STMN2: variants seen among roughly 807,000 people sequenced by gnomAD.
STMN2 encodes stathmin-2.
In STMN2, 2 loss-of-function variants were observed where a neutral mutation model predicts 24.1. The ratio of observed to expected loss-of-function variants is 0.08; its 90% CI spans 0.03 to 0.26. STMN2 has a LOEUF of 0.26. Among genes scored for constraint, STMN2 ranks in the 10% least tolerant of loss-of-function variants. The pLI, the probability that STMN2 is intolerant of heterozygous loss-of-function variation, is 1.00. For missense variants in STMN2, 114 were observed against 213.6 expected (o/e 0.53, Z 2.91); for synonymous variants, 83 against 77.5 (o/e 1.07, Z -0.37).
At chr8:79,650,930 C>A (rs1367732331) in intron 3 of STMN2, among the ~76,000 whole-genome samples, 2 of 151,958 alleles carry the variant, frequency 1.3e-5, no homozygotes, top group Admixed American at 1.3e-4. Flanking sequence ...CAAAGCAAGA[C>A]CCTGTCTCTA....
At chr8:79,628,161 A>T (rs1010587978) in intron 1 of STMN2, among the ~76,000 whole-genome samples, 11 of 150,442 alleles carry the variant, frequency 7.3e-5, no homozygotes, top group African/African-American at 2.7e-4. Flanking sequence ...ATTTTTTTTT[A>T]TTTTTTATTT....
chr8:79,652,455 T>A (rs952347340), intron 3 of STMN2, among the ~76,000 whole-genome samples: 3 of 152,144 alleles, frequency 2.0e-5, no homozygotes. Context: ...GAGGTGGAGA[T>A]GAGGGAGTTA....
chr8:79,637,644 G>C (rs1402106386), intron 2 of STMN2, among the ~76,000 whole-genome samples: 1 of 152,116 alleles, frequency 6.6e-6, no homozygotes, highest in Non-Finnish European at 1.5e-5. Context: ...GCAAAACCAA[G>C]CCTAGCTCAT....
At chr8:79,612,717 T>C (rs1162603110) in intron 1 of STMN2, among the ~76,000 whole-genome samples, 3 of 152,170 alleles carry the variant, frequency 2.0e-5, no homozygotes, top group African/African-American at 4.8e-5. Flanking sequence ...CGGGACTTGG[T>C]TGCAGGATGC....
chr8:79,656,132 T>C (rs527435235), intron 4 of STMN2, among the ~76,000 whole-genome samples: 1 of 152,304 alleles, frequency 6.6e-6, no homozygotes, highest in African/African-American at 2.4e-5. Flanking sequence ...AATATCCAAC[T>C]AGAAACAAAG....
At chr8:79,653,800 G>T (rs1038260545) in intron 3 of STMN2, among the ~76,000 whole-genome samples, 14 of 152,200 alleles carry the variant, frequency 9.2e-5, no homozygotes, top group Non-Finnish European at 1.6e-4. Context: ...AGCTGATCCT[G>T]AGAAATTATC....
intron 4 of STMN2, among the ~76,000 whole-genome samples, chr8:79,657,223 A>G (rs1806396962): frequency 6.6e-6 from 1 of 152,130 alleles, no homozygotes; most frequent in Non-Finnish European, 1.5e-5. Context: ...AAAATTTTCC[A>G]TATTTTATCT....
chr8:79,632,305 G>A (rs1464787438), intron 1 of STMN2, among the ~76,000 whole-genome samples: 1 of 152,152 alleles, frequency 6.6e-6, no homozygotes, highest in African/African-American at 2.4e-5. Context: ...AAAACCAAGG[G>A]CAAGAGACAT....
At chr8:79,632,459 A>G (rs1265188345) in intron 1 of STMN2, among the ~76,000 whole-genome samples, 1 of 152,192 alleles carries the variant, frequency 6.6e-6, no homozygotes, top group African/African-American at 2.4e-5. Context: ...CAGGGAAAAC[A>G]AGAGAAAGGA....
At chr8:79,632,074 A>G (rs74578707) in intron 1 of STMN2, among the ~76,000 whole-genome samples, 6,712 of 152,196 alleles carry the variant, frequency 0.044, 288 homozygotes, top group East Asian at 0.23. Context: ...TCTCCCATTA[A>G]CTGCTGTCCT....
chr8:79,617,207 A>G (rs1441919132), intron 1 of STMN2, among the ~76,000 whole-genome samples: 2 of 152,158 alleles, frequency 1.3e-5, no homozygotes, highest in East Asian at 1.9e-4. Flanking sequence ...TCATTATTCA[A>G]TTCTAACTTT....
chr8:79,612,605 G>C (rs1222784739), intron 1 of STMN2, among the ~76,000 whole-genome samples: 1 of 152,184 alleles, frequency 6.6e-6, no homozygotes, highest in Admixed American at 6.5e-5. Context: ...TCCGCAATTG[G>C]TCTTGTGCCT....
At chr8:79,617,786 T>G (rs1238847763) in intron 1 of STMN2, among the ~76,000 whole-genome samples, 1 of 152,230 alleles carries the variant, frequency 6.6e-6, no homozygotes, top group African/African-American at 2.4e-5. Context: ...GTTTTTCTGG[T>G]GTATTCATAA....
chr8:79,664,225 T>C (rs1672432889), intron 4 of STMN2, among the ~76,000 whole-genome samples: 1 of 152,186 alleles, frequency 6.6e-6, no homozygotes, highest in Non-Finnish European at 1.5e-5. Flanking sequence ...AAGTTTATAA[T>C]CCTGACCAGT....
chr8:79,626,845 G>A (rs1032741793), intron 1 of STMN2, among the ~76,000 whole-genome samples: 3 of 152,134 alleles, frequency 2.0e-5, no homozygotes, highest in Admixed American at 6.5e-5. Flanking sequence ...AGCAGCAAAC[G>A]AAACCATGGA....
intron 3 of STMN2, among the ~76,000 whole-genome samples, chr8:79,648,745 G>A (rs1272978009): frequency 2.0e-5 from 3 of 152,036 alleles, no homozygotes. Flanking sequence ...TTACAGGCAT[G>A]AGCCACCATG....
chr8:79,650,747 C>G (rs1810317362), intron 3 of STMN2, among the ~76,000 whole-genome samples: 1 of 152,126 alleles, frequency 6.6e-6, no homozygotes, highest in South Asian at 2.1e-4. Flanking sequence ...AGATGCCCCC[C>G]TGGTTATTAG....
At chr8:79,643,038 T>C (rs1810137893) in intron 3 of STMN2, among the ~76,000 whole-genome samples, 1 of 148,164 alleles carries the variant, frequency 6.7e-6, no homozygotes, top group Non-Finnish European at 1.5e-5. Flanking sequence ...TATATATGTA[T>C]ATGTATACCA....
chr8:79,636,888 A>G lies in STMN2; in HGVS notation c.106A>G (p.Thr36Ala). ...GGAACCTCGCAACATCAACATCTAT[A>G]CTTACGATGGTGAGTAACCTAGGAT... ...YPEPRNINIY[T>A]YDDMEVKQIN... The change falls in exon 2 of 5, where the codon ACT (threonine) becomes GCT (alanine). Residue 36 changes from threonine (T) to alanine (A), a missense_variant. Coordinates refer to ENST00000220876, the MANE Select transcript of STMN2 (RefSeq NM_007029.4). 1.2e-6 allele frequency: 2 copies of G among 1,613,620 alleles called. No homozygotes were observed. Among genetic ancestry groups the G allele is most frequent in the Non-Finnish European group, 1.7e-6 (2 of 1,179,642 alleles).
Sources: allele counts gnomAD v4.1 joint callset (sites outside exome capture counted in the v4.1 genomes callset), GRCh38; gene constraint gnomAD v4.1.1; transcripts MANE v1.5; gene names NCBI Gene and HGNC (gene_info 2026-07-23, HGNC 2026-07-21).